The following ZFP36L1 variants were observed in gnomAD, a reference collection of about 807,000 sequenced individuals.
ZFP36L1 encodes mRNA decay activator protein ZFP36L1.
A neutral mutation model predicts 16.7 loss-of-function variants in ZFP36L1; 4 were observed. The observed-to-expected ratio is 0.24, with a 90% CI of 0.12 to 0.55. ZFP36L1 has a LOEUF of 0.55. Among genes scored for constraint, ZFP36L1 ranks in the 20% least tolerant of loss-of-function variants. The pLI, the probability that ZFP36L1 is intolerant of heterozygous loss-of-function variation, is 0.94. For synonymous variants in ZFP36L1, 220 were observed against 190.8 expected, an observed-to-expected ratio of 1.15 and a Z score of -1.26; for missense variants, 311 against 449.2, an observed-to-expected ratio of 0.69 and a Z score of 2.78.
rs757350812 is a variant in ZFP36L1, at chr14:68,790,133, G to A, written c.417C>T (p.His139=). The change falls in exon 2 of 2, where the codon CAC becomes CAT. Residue 139 remains histidine (H), a synonymous_variant. Coordinates refer to ENST00000439696, the MANE Select transcript of ZFP36L1 (RefSeq NM_004926.4). ...TCAGGCTGCGGAGCTCGTGGATGCC[G>A]TGTGCGAACTGGCACTTGTCCCCGT... ...CKYGDKCQFA[H]GIHELRSLTR... 4.3e-6 allele frequency: 7 copies of A among 1,611,070 alleles called. No homozygotes were observed. In the Admixed American group the frequency reaches 5.0e-5, roughly 12 times the overall value.
In ZFP36L1 at chr14:68,788,530, C is replaced by T. The variant is rs1000399122; in HGVS notation, c.*1003G>A. 4 of 152,186 alleles carry T rather than the reference C, an allele frequency of 2.6e-5. No individual in the cohort carries two copies. The highest frequency in any genetic ancestry group is 9.7e-5 in the African/African-American group (4 of 41,286). The allele number at this position is 152,186 out of a possible 1,614,324, so 9.4% of individuals were successfully genotyped here. A position where few individuals can be genotyped will look rare whatever the true frequency, so the allele number is the denominator to read the frequency against. On this transcript the variant is annotated 3_prime_UTR_variant, in exon 2 of 2. Coordinates refer to ENST00000439696, the MANE Select transcript of ZFP36L1 (RefSeq NM_004926.4). ...GCAAAAACCATTAAAGCTACTTCTA[C>T]AGGAAATCGTTTTACACAGATATTG...
upstream of ZFP36L1, chr14:68,793,925 C>A: frequency 4.2e-6 from 1 of 237,402 alleles, no homozygotes; most frequent in Non-Finnish European, 6.0e-6. Context: ...CGGGTGTGGG[C>A]GGGTGGGGGG....
At chr14:68,791,963 C>T (rs1174908851) in intron 1 of ZFP36L1, among the ~76,000 whole-genome samples, 2 of 152,168 alleles carry the variant, frequency 1.3e-5, no homozygotes, top group Admixed American at 6.5e-5. Context: ...TAAAAAGTAG[C>T]CCAGCAGCTT....
chr14:68,793,216 G>T (rs945945063), upstream of ZFP36L1: 16 of 1,064,742 alleles, frequency 1.5e-5, no homozygotes, highest in Non-Finnish European at 1.7e-5. Context: ...AGGCGGGGAG[G>T]GGGGGCAGGG....
Position 68,789,404 on chromosome 14 carries a change from G to T in ZFP36L1, c.*129C>A, listed in dbSNP as rs775096356. On this transcript the variant is annotated 3_prime_UTR_variant, in exon 2 of 2. Coordinates refer to ENST00000439696, the MANE Select transcript of ZFP36L1 (RefSeq NM_004926.4). This position sits in a 1 kb window ranked among gnomAD's most constrained non-coding sequence, Gnocchi z 4.5. ...GGAGGGCACATTCTGAGGTGCTGGGGGAAAGGGGTTGAGCTTAACCTTGTT... is the reference window on the plus strand; with the variant it reads ...GGAGGGCACATTCTGAGGTGCTGGGTGAAAGGGGTTGAGCTTAACCTTGTT... The T allele has an allele frequency of 8.4e-5, 117 of 1,398,402 alleles. No individual in the cohort carries two copies. Among genetic ancestry groups the T allele is most frequent in the Non-Finnish European group, 1.1e-4 (115 of 1,026,104 alleles). The allele number at this position is 1,398,402 out of a possible 1,614,324, so 86.6% of individuals were successfully genotyped here. A position where few individuals can be genotyped will look rare whatever the true frequency, so the allele number is the denominator to read the frequency against.
chr14:68,789,639 C>T lies in ZFP36L1; in HGVS notation c.911G>A (p.Gly304Asp). The change falls in exon 2 of 2, where the codon GGC becomes GAC. Residue 304 changes from glycine (G) to aspartate (D), a missense_variant. By Grantham distance (94) the Gly-to-Asp change is moderately conservative. Coordinates refer to ENST00000439696, the MANE Select transcript of ZFP36L1 (RefSeq NM_004926.4). The surrounding 1 kb of genome is among the most constrained non-coding windows in gnomAD (Gnocchi z 4.5). ...GCTGCTGCTGGAGCTGCTCAGGTAG[C>T]CCTCCTGGTCCGAGAGAGAATCCTG... Reference protein sequence around the residue: ...SPQDSLSDQEGYLSSSSSSHS... With the variant: ...SPQDSLSDQEDYLSSSSSSHS... 9 of 1,613,404 alleles carry T rather than the reference C, an allele frequency of 5.6e-6. No individual in the cohort carries two copies. Among genetic ancestry groups the T allele is most frequent in the Non-Finnish European group, 6.8e-6 (8 of 1,179,568 alleles).
upstream of ZFP36L1, chr14:68,794,218 G>GT (rs1200105189): frequency 6.6e-6 from 1 of 152,338 alleles, no homozygotes; most frequent in Non-Finnish European, 1.5e-5. Context: ...AAGAATGAAG[G>GT]TAAAGAGGTG....
rs1475667850 is a variant in ZFP36L1 at position 68,788,336 on chromosome 14, A to G, written c.*1197T>C. Reference sequence around the variant, plus strand: ...ATGAACAAAATTAACAAAAAAAAGCATAGTTTGGCAATAAATACGTTTTGA... The same window carrying G: ...ATGAACAAAATTAACAAAAAAAAGCGTAGTTTGGCAATAAATACGTTTTGA... On this transcript the variant is annotated 3_prime_UTR_variant, in exon 2 of 2. Transcript: ENST00000439696. 6.6e-6 allele frequency: 1 copy of G among 152,602 alleles called. No homozygotes were observed. Among genetic ancestry groups the G allele is most frequent in the Non-Finnish European group, 1.5e-5 (1 of 68,042 alleles). 9.5% of individuals were successfully genotyped at this position (152,602 alleles called of 1,614,324 possible).
At position 68,789,786 on chromosome 14, in the gene ZFP36L1, C is replaced by T; in HGVS notation, c.764G>A (p.Ser255Asn). The T allele has an allele frequency of 6.2e-7, 1 of 1,613,684 alleles. No individual in the cohort carries two copies. Among genetic ancestry groups the T allele is most frequent in the Non-Finnish European group, 8.5e-7 (1 of 1,179,982 alleles). ...DGTNNPFAFS[S>N]QELASLFAPS... ...GGCAAAGAGGCTTGCCAGCTCCTGG[C>T]TGGAGAAGGCAAAAGGGTTATTGGT... Residue 255 changes from serine to asparagine, a missense_variant, in exon 2 of 2, where the codon AGC becomes AAC. Ser to Asn is a conservative substitution (Grantham distance 46). Around this residue, in one of 4 missense-constraint regions of ZFP36L1, gnomAD observed 147 missense variants for 192.0 expected, o/e 0.77. Coordinates refer to ENST00000439696, the MANE Select transcript of ZFP36L1 (RefSeq NM_004926.4). The surrounding 1 kb of genome is among the most constrained non-coding windows in gnomAD (Gnocchi z 4.5).
chr14:68,792,979 T>C lies in ZFP36L1; in HGVS notation c.-41A>G. 6.2e-7 allele frequency: 1 copy of C among 1,612,534 alleles called. No homozygotes were observed. Among genetic ancestry groups the C allele is most frequent in the Non-Finnish European group, 8.5e-7 (1 of 1,179,660 alleles). ...GAGCCAGGGGCGAGGATCTGGTGTG[T>C]CGCGAAGGTCCCGGTGCGGGGAAGG... is the stretch of plus-strand genomic sequence containing the variant. On this transcript the variant is annotated 5_prime_UTR_variant, in exon 1 of 2. Transcript: ENST00000439696.
At chr14:68,793,503 G>A (rs1895167447), upstream of ZFP36L1, 2 of 986,350 alleles carry the variant, frequency 2.0e-6, no homozygotes, top group South Asian at 9.3e-5. Flanking sequence ...TTGTTGTCAT[G>A]TTGTTGTTTT....
In ZFP36L1 at chr14:68,789,698, C is replaced by T. The variant is rs748243808; in HGVS notation, c.852G>A (p.Glu284=). The part of the protein sequence containing the change: ...PTTFLFRPMS[E]SPHMFDSPPS... ...GGGGAGAGTCAAACATGTGAGGGGA[C>T]TCGGACATGGGCCGGAAGAGGAAGG... Residue 284 remains glutamate (E), a synonymous_variant, in exon 2 of 2, where the codon GAG becomes GAA. Coordinates refer to ENST00000439696, the MANE Select transcript of ZFP36L1 (RefSeq NM_004926.4). The surrounding 1 kb of genome is among the most constrained non-coding windows in gnomAD (Gnocchi z 4.5). 2 of 1,613,940 alleles carry T rather than the reference C, an allele frequency of 1.2e-6. No homozygotes were observed. Among genetic ancestry groups the T allele is most frequent in the African/African-American group, 2.7e-5 (2 of 74,892 alleles).
upstream of ZFP36L1, chr14:68,794,040 A>G: frequency 1.5e-6 from 1 of 670,956 alleles, no homozygotes; most frequent in Non-Finnish European, 1.8e-6. Flanking sequence ...AGTCAAGAAA[A>G]CCCTAATCCT....
Position 68,788,824 on chromosome 14 carries a change from G to A in ZFP36L1, c.*709C>T, listed in dbSNP as rs1162905370. The A allele has an allele frequency of 7.2e-5, 11 of 151,862 alleles. No individual in the cohort carries two copies. The Admixed American group carries it at 7.2e-4, about 10-fold the overall frequency. The allele number at this position is 151,862 out of a possible 1,614,324, so 9.4% of individuals were successfully genotyped here. ...TTCCTGCAGACCTACACAAACCCAG[G>A]CAAGATTAGTCAACAGGGGTTCAGA... is the stretch of plus-strand genomic sequence containing the variant. On this transcript the variant is annotated 3_prime_UTR_variant, in exon 2 of 2. Coordinates refer to ENST00000439696, the MANE Select transcript of ZFP36L1 (RefSeq NM_004926.4).
chr14:68,794,596 GTC>G (rs1895198947), upstream of ZFP36L1: 1 of 152,354 alleles, frequency 6.6e-6, no homozygotes, highest in African/African-American at 2.4e-5. Flanking sequence ...AGGCCGCCGA[GTC>G]TGTTATGAAA....
upstream of ZFP36L1, chr14:68,793,761 T>C (rs571284333): frequency 1.2e-5 from 12 of 985,112 alleles, no homozygotes; most frequent in African/African-American, 2.1e-4. Flanking sequence ...TATGTTGCTG[T>C]TTTTTTTCCA....
intron 1 of ZFP36L1, among the ~76,000 whole-genome samples, 153 bp downstream of exon 1, chr14:68,792,729 T>G: frequency 6.6e-6 from 1 of 152,282 alleles, no homozygotes; most frequent in Middle Eastern, 3.4e-3. Flanking sequence ...CGGGGCCAAA[T>G]TCCTTCAAAC....
At chr14:68,793,382 GGC>G, upstream of ZFP36L1, 2 of 1,005,134 alleles carry the variant, frequency 2.0e-6, no homozygotes, top group Non-Finnish European at 2.4e-6. Flanking sequence ...CGGCGCTTCA[GGC>G]GCCCCCTCTC....
At chr14:68,796,075 C>T (rs1486532418), upstream of ZFP36L1, 1 of 1,355,004 alleles carries the variant, frequency 7.4e-7, no homozygotes, top group Non-Finnish European at 9.8e-7. Context: ...GCCGCCTCAC[C>T]TGCACTGCCG....
Sources: allele counts gnomAD v4.1 joint callset (sites outside exome capture counted in the v4.1 genomes callset), GRCh38; gene constraint gnomAD v4.1.1; regional missense constraint gnomAD v4.1.1; non-coding constraint Gnocchi (gnomAD v3.1); transcripts MANE v1.5; gene names NCBI Gene and HGNC (gene_info 2026-07-23, HGNC 2026-07-21).